GINS4: variants seen among roughly 807,000 people sequenced by gnomAD.
GINS4 encodes DNA replication complex GINS protein SLD5.
A neutral mutation model predicts 31.1 loss-of-function variants in GINS4; 20 were observed. The ratio of observed to expected loss-of-function variants is 0.64; its 90% CI spans 0.45 to 0.93. The LOEUF (loss-of-function observed/expected upper bound fraction) is 0.93, where lower values mean the gene tolerates loss of function less well. GINS4 is among the 40% of genes least tolerant of loss of function. The probability of loss-of-function intolerance (pLI) is 0.00; values close to 1 mark genes in which losing one functional copy is unlikely to be tolerated. For synonymous variants in GINS4, 85 were observed against 97.9 expected, an observed-to-expected ratio of 0.87 and a Z score of 0.78; for missense variants, 245 against 273.9, an observed-to-expected ratio of 0.89 and a Z score of 0.75.
intron 2 of GINS4, among the ~76,000 whole-genome samples, chr8:41,533,155 C>T (rs1012867708): frequency 2.0e-5 from 3 of 152,202 alleles, no homozygotes; most frequent in Admixed American, 2.0e-4. Flanking sequence ...AGTAAAATAA[C>T]TCCTGAAACA....
In GINS4 at chr8:41,544,492, G is replaced by A. The variant is rs1334262697; in HGVS notation, c.*2405G>A. The A allele has an allele frequency of 2.6e-5, 4 of 152,122 alleles. No homozygotes were observed. Among genetic ancestry groups the A allele is most frequent in the Admixed American group, 2.6e-4 (4 of 15,246 alleles). 9.4% of individuals were successfully genotyped at this position (152,122 alleles called of 1,614,324 possible). A position where few individuals can be genotyped will look rare whatever the true frequency, so the allele number is the denominator to read the frequency against. On this transcript the variant is annotated 3_prime_UTR_variant, in exon 8 of 8. Transcript: ENST00000276533. ...CTAAGCCTTAATGTGCATACCCATC[G>A]CCTGGAGCTCGCCTTAAGATGTAGG...
At position 41,530,187 on chromosome 8, in the gene GINS4, C is replaced by T. The variant is rs764992352; in HGVS notation, c.-16C>T. On this transcript the variant is annotated 5_prime_UTR_variant, in exon 2 of 8. Coordinates refer to ENST00000276533, the MANE Select transcript of GINS4 (RefSeq NM_032336.3). ...TTGGTTCTTTCCCTCTCATTAGGTT[C>T]CTGGTTTCAGAGAAGATGACCGAAG... 3 of 1,585,612 alleles carry T rather than the reference C, an allele frequency of 1.9e-6. No homozygotes were observed. The South Asian group carries it at 3.3e-5, about 18-fold the overall frequency.
rs1806801409 is a variant in GINS4 at position 41,539,679 on chromosome 8, T to C, written c.299T>C (p.Ile100Thr). Reference sequence around the variant, plus strand: ...GAAGATTTTGCTTTATCCTCACAGATAGAGAAGTTTTTCCCTCATGTCCTT... The same window carrying C: ...GAAGATTTTGCTTTATCCTCACAGACAGAGAAGTTTTTCCCTCATGTCCTT... The part of the protein sequence containing the change: ...SSYLRCRLMK[I>T]EKFFPHVLEK... The change falls in exon 5 of 8, where the codon ATA becomes ACA. Residue 100 changes from isoleucine (I) to threonine (T), a missense_variant and splice_region_variant. By Grantham distance (89) the Ile-to-Thr change is moderately conservative (BLOSUM62 -1). Coordinates refer to ENST00000276533, the MANE Select transcript of GINS4 (RefSeq NM_032336.3). The C allele has an allele frequency of 6.2e-7, 1 of 1,609,298 alleles. No individual in the cohort carries two copies. Among genetic ancestry groups the C allele is most frequent in the South Asian group, 1.1e-5 (1 of 90,906 alleles).
rs1806884637 is a variant in GINS4, at chr8:41,543,723, A to G, written c.*1636A>G. 1 of 150,300 alleles carries G rather than the reference A, an allele frequency of 6.7e-6. No homozygotes were observed. The allele number at this position is 150,300 out of a possible 1,614,324, so 9.3% of individuals were successfully genotyped here. On this transcript the variant is annotated 3_prime_UTR_variant, in exon 8 of 8. Transcript: ENST00000276533. ...AGGTCTTTTTTTTTTTTCTTTTTTGAGACGGAGTTTCCCTCTTGTTACCCA... is the reference window on the plus strand; with the variant it reads ...AGGTCTTTTTTTTTTTTCTTTTTTGGGACGGAGTTTCCCTCTTGTTACCCA...
Position 41,543,778 on chromosome 8 carries a change from T to G in GINS4, c.*1691T>G, listed in dbSNP as rs1242586387. The stretch of plus-strand genomic sequence containing the variant: ...GGAGTGGCAGTGGTGTGAACACGGC[T>G]CACTGCAGCCTCCACCTCCTGGGTT... On this transcript the variant is annotated 3_prime_UTR_variant, in exon 8 of 8. Coordinates refer to ENST00000276533, the MANE Select transcript of GINS4 (RefSeq NM_032336.3). The G allele has an allele frequency of 6.6e-6, 1 of 151,920 alleles. No homozygotes were observed. The highest frequency in any genetic ancestry group is 2.4e-5 in the African/African-American group (1 of 41,328). 9.4% of individuals were successfully genotyped at this position (151,920 alleles called of 1,614,324 possible).
chr8:41,533,196 A>G (rs1034944582), intron 2 of GINS4, among the ~76,000 whole-genome samples: 4 of 152,364 alleles, frequency 2.6e-5, no homozygotes, highest in Middle Eastern at 3.4e-3. Context: ...ATGTAGAACA[A>G]TAACAACCAT....
intron 6 of GINS4, chr8:41,540,231 T>C (rs1806813734): frequency 5.3e-6 from 3 of 565,112 alleles, no homozygotes; most frequent in Non-Finnish European, 9.5e-6. Flanking sequence ...GCCCCATGAC[T>C]GCACTGGTGC....
chr8:41,531,624 A>C (rs1414995044), intron 2 of GINS4, among the ~76,000 whole-genome samples: 1 of 152,200 alleles, frequency 6.6e-6, no homozygotes, highest in Non-Finnish European at 1.5e-5. Flanking sequence ...TTTTTGAGAA[A>C]CTGGTAGAAA....
intron 2 of GINS4, among the ~76,000 whole-genome samples, chr8:41,535,823 G>A (rs1456286006): frequency 6.6e-6 from 1 of 152,114 alleles, no homozygotes; most frequent in East Asian, 1.9e-4. Flanking sequence ...TTATGATCCT[G>A]TATACTTTGG....
chr8:41,542,015 G>A lies in GINS4; in HGVS notation c.600G>A (p.Lys200=), dbSNP rs779090249. Residue 200 remains lysine, a synonymous_variant, in exon 8 of 8, where the codon AAG becomes AAA. Coordinates refer to ENST00000276533, the MANE Select transcript of GINS4 (RefSeq NM_032336.3). ...EQRDYVIDLE[K]GSQHLIRYKT... ...GGGACTACGTGATTGACCTGGAGAA[G>A]GGCTCACAGCACTTGATCCGATACA... The A allele has an allele frequency of 1.1e-5, 18 of 1,614,036 alleles. No homozygotes were observed. The highest frequency in any genetic ancestry group is 1.7e-6 in the Non-Finnish European group (2 of 1,180,018).
At position 41,541,847 on chromosome 8, in the gene GINS4, G is replaced by A. The variant is rs1806846599; in HGVS notation, c.523G>A (p.Val175Met). ...TCTAGATTCTTACGTGTTTCTGAGA[G>A]TGAGAGAACGACAAGAAAACATACT... is the stretch of plus-strand genomic sequence containing the variant. ...PDLDSYVFLR[V>M]RERQENILVE... Residue 175 changes from valine (V) to methionine (M), a missense_variant, in exon 7 of 8, where the codon GTG (valine) becomes ATG (methionine). Val to Met is a conservative substitution (Grantham distance 21). Transcript: ENST00000276533. 2 of 1,614,178 alleles carry A rather than the reference G, an allele frequency of 1.2e-6. No individual in the cohort carries two copies. Among genetic ancestry groups the A allele is most frequent in the African/African-American group, 2.7e-5 (2 of 75,048 alleles).
At position 41,529,952 on chromosome 8, in the gene GINS4, G is replaced by C. The variant is rs139618493; in HGVS notation, c.-19-232G>C. ...ATGGTGTGATGGGTGCTCAGCTCTT[G>C]GTGGACAGAAGTAAGGGGGAGGCTT... On this transcript the variant is annotated intron_variant, in intron 1 of 7. Coordinates refer to ENST00000276533, the MANE Select transcript of GINS4 (RefSeq NM_032336.3). 772 of 455,874 alleles carry C rather than the reference G, an allele frequency of 1.7e-3. 7 individuals carry two copies. The highest frequency in any genetic ancestry group is 0.014 in the African/African-American group (696 of 50,176). 28.2% of individuals were successfully genotyped at this position (455,874 alleles called of 1,614,324 possible).
At chr8:41,533,819 T>C (rs976872231) in intron 2 of GINS4, among the ~76,000 whole-genome samples, 1 of 152,190 alleles carries the variant, frequency 6.6e-6, no homozygotes, top group Non-Finnish European at 1.5e-5. Context: ...AGTGCCAGCA[T>C]AGTTGTCTTC....
chr8:41,534,117 CAG>C (rs1806699037), intron 2 of GINS4: 1 of 177,732 alleles, frequency 5.6e-6, no homozygotes, highest in Admixed American at 5.9e-5. Context: ...GAATTTTGAT[CAG>C]GGGCCAGGCA....
intron 4 of GINS4, 36 bp from the exon 5 acceptor site, chr8:41,539,642 C>G (rs777947818): frequency 7.0e-6 from 10 of 1,434,926 alleles, no homozygotes; most frequent in South Asian, 1.2e-5. Flanking sequence ...TGACTTTTGC[C>G]AATGTTTTCA....
rs1806881711 is a variant in GINS4, at chr8:41,543,584, T to G, written c.*1497T>G. 6.6e-6 allele frequency: 1 copy of G among 152,228 alleles called. No homozygotes were observed. The highest frequency in any genetic ancestry group is 2.4e-5 in the African/African-American group (1 of 41,452). The allele number at this position is 152,228 out of a possible 1,614,324, so 9.4% of individuals were successfully genotyped here. A position where few individuals can be genotyped will look rare whatever the true frequency, so the allele number is the denominator to read the frequency against. ...CTATAAAAAGCAACCTGCATTCCAG[T>G]CTTTTCTTCCTGGTTGAAGTTGGCA... On this transcript the variant is annotated 3_prime_UTR_variant, in exon 8 of 8. Transcript: ENST00000276533.
At position 41,544,467 on chromosome 8, in the gene GINS4, C is replaced by T. The variant is rs1806898455; in HGVS notation, c.*2380C>T. The T allele has an allele frequency of 1.3e-5, 2 of 152,222 alleles. No homozygotes were observed. The highest frequency in any genetic ancestry group is 4.8e-5 in the African/African-American group (2 of 41,446). The allele number at this position is 152,222 out of a possible 1,614,324, so 9.4% of individuals were successfully genotyped here. ...CTGTTAACCTAGAACAGTGTGCTTCCTAAGCCTTAATGTGCATACCCATCG... is the reference window on the plus strand; with the variant it reads ...CTGTTAACCTAGAACAGTGTGCTTCTTAAGCCTTAATGTGCATACCCATCG... On this transcript the variant is annotated 3_prime_UTR_variant, in exon 8 of 8. Transcript: ENST00000276533.
rs1806637315 is a variant in GINS4 at position 41,530,755 on chromosome 8, A to T, written c.96+457A>T. On this transcript the variant is annotated intron_variant, in intron 2 of 7. Coordinates refer to ENST00000276533, the MANE Select transcript of GINS4 (RefSeq NM_032336.3). ...TCTGCTCTCCATATGTCCACTGCTT[A>T]TCTAAAATCCTTTCTGAAATATTTC... Among the ~76,000 whole-genome samples the T allele has an allele frequency of 2.0e-5, 3 of 152,026 alleles. 1 individual carries two copies. Among genetic ancestry groups the T allele is most frequent in the Admixed American group, 2.0e-4 (3 of 15,242 alleles).
chr8:41,541,278 T>C (rs1308356645), intron 6 of GINS4, among the ~76,000 whole-genome samples: 1 of 152,016 alleles, frequency 6.6e-6, no homozygotes, highest in Non-Finnish European at 1.5e-5. Context: ...CTTGCCATGT[T>C]GCGTAGGCTG....
Sources: gnomAD v4.1 joint callset for allele counts (sites outside exome capture counted in the v4.1 genomes callset) on GRCh38, gnomAD v4.1.1 for gene constraint, MANE v1.5 for transcripts, NCBI Gene and HGNC (gene_info 2026-07-23, HGNC 2026-07-21) for gene names.